The following MAP3K1 variants were observed in gnomAD, a reference collection of about 807,000 sequenced individuals.
MAP3K1 encodes the protein MAP/ERK kinase kinase 1.
A neutral mutation model predicts 144.2 loss-of-function variants in MAP3K1; 36 were observed. That is an observed-to-expected ratio of 0.25 (90% confidence interval 0.19 to 0.33). The LOEUF (loss-of-function observed/expected upper bound fraction) is 0.33. Ranked by LOEUF, MAP3K1 falls within the 10% of genes least tolerant of loss-of-function variation. The pLI is 1.00. For synonymous variants in MAP3K1, 718 were observed against 688.7 expected (o/e 1.04, Z -0.67); for missense variants, 1,650 against 1,881.9 (o/e 0.88, Z 2.28).
At chr5:56,863,737 C>T (rs1747589590) in intron 3 of MAP3K1, among the ~76,000 whole-genome samples, 1 of 152,230 alleles carries the variant, frequency 6.6e-6, no homozygotes, top group South Asian at 2.1e-4. Flanking sequence ...GCACATTTTA[C>T]ATTCTGCCAG....
chr5:56,844,778 C>T (rs2111826780), intron 1 of MAP3K1, among the ~76,000 whole-genome samples: 1 of 152,260 alleles, frequency 6.6e-6, no homozygotes, highest in African/African-American at 2.4e-5. Context: ...AATTTTTCTT[C>T]TTTGCTGCCT....
intron 1 of MAP3K1, among the ~76,000 whole-genome samples, chr5:56,842,603 A>G (rs555529497): frequency 3.3e-5 from 5 of 152,230 alleles, no homozygotes; most frequent in Non-Finnish European, 7.3e-5. Flanking sequence ...TACTTCATCC[A>G]TGTTCATTTA....
intron 6 of MAP3K1, among the ~76,000 whole-genome samples, chr5:56,866,320 A>C (rs546865028): frequency 1.2e-4 from 19 of 152,216 alleles, no homozygotes; most frequent in Middle Eastern, 3.4e-3. Flanking sequence ...AGGCAGGAGG[A>C]TCGCTTGAAC....
At chr5:56,870,594 C>G (rs1010195303) in intron 6 of MAP3K1, among the ~76,000 whole-genome samples, 3 of 152,176 alleles carry the variant, frequency 2.0e-5, no homozygotes, top group Non-Finnish European at 2.9e-5. Flanking sequence ...ATGTTTCTCT[C>G]AACTTTCTTA....
rs1747727835 is a variant in MAP3K1, at chr5:56,867,979, A to G, written c.1301+2002A>G. 1.3e-5 allele frequency among the ~76,000 whole-genome samples: 2 copies of G among 152,212 alleles called. 1 individual carries two copies. Among genetic ancestry groups the G allele is most frequent in the South Asian group, 4.1e-4 (2 of 4,832 alleles). ...AATGTCGATAAGTAAAACCAAATCT[A>G]GGTTATAATAATATATTATGCATGA... On this transcript the variant is annotated intron_variant, in intron 6 of 19. Coordinates refer to ENST00000399503, the MANE Select transcript of MAP3K1 (RefSeq NM_005921.2).
chr5:56,832,997 T>C (rs1317254066), intron 1 of MAP3K1, among the ~76,000 whole-genome samples: 1 of 152,028 alleles, frequency 6.6e-6, no homozygotes, highest in African/African-American at 2.4e-5. Context: ...TCAGCCTCCC[T>C]AGTAGCTGGG....
At chr5:56,838,541 T>G (rs1746721973) in intron 1 of MAP3K1, among the ~76,000 whole-genome samples, 1 of 152,244 alleles carries the variant, frequency 6.6e-6, no homozygotes, top group Non-Finnish European at 1.5e-5. Context: ...GACAGGATGT[T>G]AGAGTTAATG....
At chr5:56,847,577 CAG>C (rs1370648502) in intron 1 of MAP3K1, among the ~76,000 whole-genome samples, 1 of 152,220 alleles carries the variant, frequency 6.6e-6, no homozygotes, top group Non-Finnish European at 1.5e-5. Context: ...GCCTGGGTGA[CAG>C]AGTAACACTG....
intron 1 of MAP3K1, among the ~76,000 whole-genome samples, chr5:56,826,349 T>TA (rs1409549301): frequency 3.3e-5 from 5 of 152,238 alleles, no homozygotes; most frequent in Non-Finnish European, 5.9e-5. Context: ...TAAGCCTTTT[T>TA]AGTTTTTTTC....
intron 1 of MAP3K1, among the ~76,000 whole-genome samples, chr5:56,837,794 A>G (rs1321890580): frequency 6.6e-6 from 1 of 152,238 alleles, no homozygotes; most frequent in Non-Finnish European, 1.5e-5. Flanking sequence ...CTCAAAGTCA[A>G]GAGTGGGAAA....
chr5:56,875,292 A>G lies in MAP3K1; in HGVS notation c.1947A>G (p.Lys649=). The part of the protein sequence containing the change: ...LSMVCADPVY[K]VYVAALKTLR... Reference sequence around the variant, plus strand: ...TGGTCTGTGCTGACCCTGTCTACAAAGTGTACGTTGCTGCTTTAGTAAGTA... The same window carrying G: ...TGGTCTGTGCTGACCCTGTCTACAAGGTGTACGTTGCTGCTTTAGTAAGTA... The change falls in exon 10 of 20, where the codon AAA becomes AAG. Residue 649 remains lysine, a synonymous_variant. Transcript: ENST00000399503. 1 of 1,614,068 alleles carries G rather than the reference A, an allele frequency of 6.2e-7. No individual in the cohort carries two copies. The highest frequency in any genetic ancestry group is 8.5e-7 in the Non-Finnish European group (1 of 1,180,016).
Position 56,816,072 on chromosome 5 carries a change from G to T in MAP3K1, c.482+17G>T. ...CCCCGCCGGGTGAGCAGCACGGCCG[G>T]GGTCGCGGCGGGGACTTGGAGAGCG... On this transcript the variant is annotated intron_variant, in intron 1 of 19. Transcript: ENST00000399503. 8.3e-7 allele frequency: 1 copy of T among 1,209,672 alleles called. No homozygotes were observed. Among genetic ancestry groups the T allele is most frequent in the East Asian group, 3.4e-5 (1 of 29,658 alleles). The allele number at this position is 1,209,672 out of a possible 1,614,324, so 74.9% of individuals were successfully genotyped here. A position where few individuals can be genotyped will look rare whatever the true frequency, so the allele number is the denominator to read the frequency against.
Position 56,878,132 on chromosome 5 carries a change from T to G in MAP3K1, c.1966-848T>G, listed in dbSNP as rs549711809. On this transcript the variant is annotated intron_variant, in intron 10 of 19. Coordinates refer to ENST00000399503, the MANE Select transcript of MAP3K1 (RefSeq NM_005921.2). The stretch of plus-strand genomic sequence containing the variant: ...GCTGTAAAGTTAATATTCCTAAATA[T>G]CTTGTGAGAGTTACTTTGAGATTAT... Among the ~76,000 whole-genome samples, 87 of 152,340 alleles carry G rather than the reference T, an allele frequency of 5.7e-4. 1 individual carries two copies. Among genetic ancestry groups the G allele is most frequent in the Admixed American group, 5.7e-3 (87 of 15,300 alleles).
intron 11 of MAP3K1, 38 bp from the exon 12 acceptor site, chr5:56,880,673 A>G (rs1252115809): frequency 2.9e-6 from 4 of 1,402,510 alleles, no homozygotes; most frequent in Non-Finnish European, 4.1e-6. Flanking sequence ...TGTTTTAGCC[A>G]AGATCCAGGA....
At chr5:56,829,627 C>T (rs955392230) in intron 1 of MAP3K1, among the ~76,000 whole-genome samples, 18 of 152,190 alleles carry the variant, frequency 1.2e-4, no homozygotes, top group African/African-American at 4.3e-4. Flanking sequence ...TGCCCCAACC[C>T]ATGCTAGTTC....
chr5:56,836,052 T>A (rs1341975857), intron 1 of MAP3K1, among the ~76,000 whole-genome samples: 2 of 152,178 alleles, frequency 1.3e-5, no homozygotes, highest in African/African-American at 2.4e-5. Flanking sequence ...AAATCCCTGC[T>A]CTCAGAGAGA....
At chr5:56,870,167 CACCAACCTA>C (rs1747808911) in intron 6 of MAP3K1, among the ~76,000 whole-genome samples, 1 of 152,094 alleles carries the variant, frequency 6.6e-6, no homozygotes, top group African/African-American at 2.4e-5. Context: ...ATTACTTTTG[CACCAACCTA>C]ATAGTTTAAG....
intron 9 of MAP3K1, among the ~76,000 whole-genome samples, chr5:56,873,635 T>A (rs1299953678): frequency 6.6e-6 from 1 of 152,170 alleles, no homozygotes; most frequent in African/African-American, 2.4e-5. Context: ...AAATGTAGGA[T>A]CTAAAACCAG....
At chr5:56,859,682 A>T in intron 2 of MAP3K1, 33 bp from the exon 3 acceptor site, 1 of 1,487,638 alleles carries the variant, frequency 6.7e-7, no homozygotes, top group Non-Finnish European at 9.3e-7. Flanking sequence ...TTATATTTTT[A>T]AGTAATCAAA....
Sources: allele counts gnomAD v4.1 joint callset (sites outside exome capture counted in the v4.1 genomes callset), GRCh38; gene constraint gnomAD v4.1.1; transcripts MANE v1.5; gene names NCBI Gene and HGNC (gene_info 2026-07-23, HGNC 2026-07-21).